The following ARMC9 variants were observed in gnomAD, a reference collection of about 807,000 sequenced individuals.
ARMC9 encodes armadillo repeat containing 9.
ARMC9 carries 94 observed loss-of-function variants against 107.0 expected under a neutral mutation model. The observed-to-expected ratio is 0.88, with a 90% confidence interval of 0.74 to 1.04. The LOEUF is 1.04. Among genes scored for constraint, ARMC9 ranks in the 50% least tolerant of loss-of-function variants. The probability of loss-of-function intolerance (pLI) is 0.00; values close to 1 mark genes in which losing one functional copy is unlikely to be tolerated. For synonymous variants in ARMC9, 380 were observed against 396.9 expected, an observed-to-expected ratio of 0.96 and a Z score of 0.51; for missense variants, 942 against 1,030.1, an observed-to-expected ratio of 0.91 and a Z score of 1.17.
chr2:231,328,048 T>C (rs2043453510), intron 19 of ARMC9, among the ~76,000 whole-genome samples: 1 of 152,196 alleles, frequency 6.6e-6, no homozygotes, highest in South Asian at 2.1e-4. Context: ...CTTTCCAAAG[T>C]GCTGGGATTA....
intron 19 of ARMC9, among the ~76,000 whole-genome samples, chr2:231,321,027 T>G (rs150980710): frequency 2.5e-4 from 38 of 152,312 alleles, no homozygotes; most frequent in African/African-American, 9.1e-4. Context: ...ACTTACCAGC[T>G]GTGTGTGGCT....
intron 19 of ARMC9, among the ~76,000 whole-genome samples, chr2:231,315,310 G>T (rs2042604021): frequency 1.3e-5 from 2 of 150,748 alleles, no homozygotes; most frequent in African/African-American, 4.9e-5. Flanking sequence ...AGGCCAAGGT[G>T]GGCAGATCAC....
In ARMC9 at chr2:231,371,334, C is replaced by CTGCT. The variant is rs567612026; in HGVS notation, c.2435-177_2435-174dup. ...GACTGAGTGACCCGCACCAAGCAGC[C>CTGCT]TGCTTCCTGTGAGGAAAGAGCCGGC... On this transcript the variant is annotated intron_variant, in intron 24 of 24. Transcript: ENST00000611582. Among the ~76,000 whole-genome samples the CTGCT allele has an allele frequency of 1.3e-3, 192 of 152,320 alleles. 1 individual carries two copies. The highest frequency in any genetic ancestry group is 3.6e-3 in the African/African-American group (151 of 41,576).
At position 231,295,987 on chromosome 2, in the gene ARMC9, G is replaced by A. The variant is rs528005319; in HGVS notation, c.1718-211G>A. ...CCCATGCTACTATAATCATGTTCTG[G>A]TAAAAATGGAGAGATTTACTATTTA... On this transcript the variant is annotated intron_variant, in intron 18 of 24. Coordinates refer to ENST00000611582, the MANE Select transcript of ARMC9 (RefSeq NM_001352754.2). The A allele has an allele frequency of 1.7e-4, 65 of 389,600 alleles. No individual in the cohort carries two copies. In the East Asian group the frequency reaches 2.4e-3, roughly 15 times the overall value. 24.1% of individuals were successfully genotyped at this position (389,600 alleles called of 1,614,324 possible). A position where few individuals can be genotyped will look rare whatever the true frequency, so the allele number is the denominator to read the frequency against.
chr2:231,222,727 G>A lies in ARMC9; in HGVS notation c.505-1G>A, dbSNP rs772443141. 4.0e-6 allele frequency: 6 copies of A among 1,498,540 alleles called. No individual in the cohort carries two copies. Among genetic ancestry groups the A allele is most frequent in the Non-Finnish European group, 5.5e-6 (6 of 1,086,760 alleles). The allele number at this position is 1,498,540 out of a possible 1,614,324, so 92.8% of individuals were successfully genotyped here. ...GTATTTTTGTTCCCTTTTTTCTTTAGGATTCCTGGACTCCAGAGTTAAAGT... is the reference window on the plus strand; with the variant it reads ...GTATTTTTGTTCCCTTTTTTCTTTAAGATTCCTGGACTCCAGAGTTAAAGT... On this transcript the variant is annotated splice_acceptor_variant, in intron 5 of 24. Transcript: ENST00000611582. LOFTEE classifies it high-confidence loss of function.
At chr2:231,363,153 C>G (rs1338898579) in intron 23 of ARMC9, among the ~76,000 whole-genome samples, 1 of 152,194 alleles carries the variant, frequency 6.6e-6, no homozygotes, top group Non-Finnish European at 1.5e-5. Context: ...GCACAGAGTG[C>G]CAGGAGTGCA....
intron 23 of ARMC9, among the ~76,000 whole-genome samples, chr2:231,365,289 CAAGGTAGGCGATTGTTTATTA>C (rs2045768697): frequency 6.6e-6 from 1 of 152,162 alleles, no homozygotes; most frequent in South Asian, 2.1e-4. Flanking sequence ...AGGTGCTCTG[CAAGGTAGGCGATTGTTTATTA>C]GAGCAGCCTG....
chr2:231,281,951 A>T, intron 16 of ARMC9, 108 bp from the exon 17 acceptor site: 1 of 1,034,550 alleles, frequency 9.7e-7, no homozygotes, highest in East Asian at 2.4e-5. Context: ...GAGGACGGGA[A>T]CACCCACTCT....
chr2:231,204,360 A>T (rs2031622432), intron 1 of ARMC9, among the ~76,000 whole-genome samples: 1 of 151,682 alleles, frequency 6.6e-6, no homozygotes, highest in Admixed American at 6.6e-5. Flanking sequence ...ACATCCCAAT[A>T]CCCCAAGACT....
chr2:231,226,418 T>C (rs1407017147), intron 6 of ARMC9, among the ~76,000 whole-genome samples: 1 of 152,200 alleles, frequency 6.6e-6, no homozygotes, highest in Non-Finnish European at 1.5e-5. Context: ...AAGTTAGAGT[T>C]GAATTATGTA....
chr2:231,336,943 C>A (rs76340519), intron 20 of ARMC9, among the ~76,000 whole-genome samples: 8,491 of 152,150 alleles, frequency 0.056, 350 homozygotes, highest in African/African-American at 0.11. Flanking sequence ...CTGGGCGAGC[C>A]CCTGGAGACA....
intron 5 of ARMC9, among the ~76,000 whole-genome samples, chr2:231,218,343 C>T (rs1367678779): frequency 6.6e-6 from 1 of 151,206 alleles, no homozygotes; most frequent in Non-Finnish European, 1.5e-5. Context: ...GAGGATAAAA[C>T]AAAGAAAATA....
At chr2:231,343,417 ATTTAC>A (rs1019173183) in intron 20 of ARMC9, among the ~76,000 whole-genome samples, 90 of 151,888 alleles carry the variant, frequency 5.9e-4, no homozygotes, top group African/African-American at 2.1e-3. Context: ...TTTTTATTTT[ATTTAC>A]TTTTTGTTTT....
rs770225857 is a variant in ARMC9 at position 231,350,946 on chromosome 2, CTTTTTTTTTTTTTT to C, written c.1995-4835_1995-4822del. ...ATCCTATTTGCACAAAGTGACAATT[CTTTTTTTTTTTTTT>C]TTTTTTTTTTTTTTTTGAGACAGAG... On this transcript the variant is annotated intron_variant, in intron 21 of 24. Transcript: ENST00000611582. Among the ~76,000 whole-genome samples, 17 of 50,592 alleles carry C rather than the reference CTTTTTTTTTTTTTT, an allele frequency of 3.4e-4. No homozygotes were observed. In the South Asian group the frequency reaches 6.2e-3, roughly 19 times the overall value. 33.2% of individuals were successfully genotyped at this position (50,592 alleles called of 152,430 possible).
At chr2:231,330,197 T>C (rs2125554578) in intron 19 of ARMC9, among the ~76,000 whole-genome samples, 1 of 151,850 alleles carries the variant, frequency 6.6e-6, no homozygotes, top group South Asian at 2.1e-4. Context: ...GTTTTCAAAA[T>C]TGTCTTAGCG....
At chr2:231,217,751 C>T (rs187318475) in intron 5 of ARMC9, among the ~76,000 whole-genome samples, 3 of 152,198 alleles carry the variant, frequency 2.0e-5, no homozygotes, top group South Asian at 2.1e-4. Flanking sequence ...AGTATAGTGG[C>T]GCGATCTCGG....
At chr2:231,269,195 A>G (rs2125427643) in intron 12 of ARMC9, among the ~76,000 whole-genome samples, 1 of 152,250 alleles carries the variant, frequency 6.6e-6, no homozygotes, top group Admixed American at 6.5e-5. Flanking sequence ...GGTATATTTT[A>G]ATCCCTTTTA....
At chr2:231,345,908 A>G (rs757411969) in intron 21 of ARMC9, among the ~76,000 whole-genome samples, 6 of 152,234 alleles carry the variant, frequency 3.9e-5, no homozygotes, top group Non-Finnish European at 8.8e-5. Flanking sequence ...CAACCAGGCA[A>G]CGGAATTGAG....
intron 24 of ARMC9, 105 bp from the exon 25 acceptor site, chr2:231,371,408 G>C (rs973499403): frequency 7.9e-7 from 1 of 1,271,020 alleles, no homozygotes; most frequent in East Asian, 2.8e-5. Context: ...GAGAGGGAAG[G>C]TTCCCTCGCT....
Sources: allele counts gnomAD v4.1 joint callset (sites outside exome capture counted in the v4.1 genomes callset), GRCh38; gene constraint gnomAD v4.1.1; transcripts MANE v1.5; gene names NCBI Gene and HGNC (gene_info 2026-07-23, HGNC 2026-07-21).